The following HERC2 variants were observed in gnomAD, a reference collection of about 807,000 sequenced individuals.
HERC2 encodes the protein HECT and RLD domain containing E3 ubiquitin protein ligase 2.
A neutral mutation model predicts 537.7 loss-of-function variants in HERC2; 102 were observed. The ratio of observed to expected loss-of-function variants is 0.19; its 90% CI spans 0.16 to 0.22. The LOEUF is 0.22. Ranked by LOEUF, HERC2 falls within the 10% of genes least tolerant of loss-of-function variation. HERC2 has a pLI of 1.00. For synonymous variants in HERC2, 2,224 were observed against 2,466.2 expected (o/e 0.90, Z 2.91); for missense variants, 4,236 against 6,198.2 (o/e 0.68, Z 10.63).
chr15:28,281,125 T>C (rs973394953), intron 4 of HERC2, among the ~76,000 whole-genome samples: 1 of 152,164 alleles, frequency 6.6e-6, no homozygotes, highest in Non-Finnish European at 1.5e-5. Context: ...AGTAACAAGT[T>C]AGAATACACA....
intron 70 of HERC2, among the ~76,000 whole-genome samples, chr15:28,151,631 G>A (rs1367733012): frequency 6.6e-6 from 1 of 152,022 alleles, no homozygotes; most frequent in African/African-American, 2.4e-5. Context: ...CGCTACTGAA[G>A]ACTACCAGAA....
intron 83 of HERC2, among the ~76,000 whole-genome samples, chr15:28,127,721 C>T (rs138909869): frequency 6.6e-6 from 1 of 152,230 alleles, no homozygotes; most frequent in East Asian, 1.9e-4. Context: ...TCATCTTCTT[C>T]TGCCAGAGCA....
rs187564179 is a variant in HERC2, at chr15:28,206,572, G to A, written c.7070-190C>T. On this transcript the variant is annotated intron_variant, in intron 44 of 92. Transcript: ENST00000261609. Reference sequence around the variant, plus strand: ...CTCTAGGTTGGGTGCGGTGGCTCACGCGTGTAATCCCTGCACTTCGGGAGG... The same window carrying A: ...CTCTAGGTTGGGTGCGGTGGCTCACACGTGTAATCCCTGCACTTCGGGAGG... Among the ~76,000 whole-genome samples, 423 of 151,732 alleles carry A rather than the reference G, an allele frequency of 2.8e-3. 3 individuals carry two copies. The highest frequency in any genetic ancestry group is 9.1e-3 in the East Asian group (47 of 5,160).
At chr15:28,226,079 G>A (rs1375121001) in intron 35 of HERC2, among the ~76,000 whole-genome samples, 1 of 152,132 alleles carries the variant, frequency 6.6e-6, no homozygotes, top group Non-Finnish European at 1.5e-5. Context: ...CATTCTATGA[G>A]GCCATTATTA....
intron 38 of HERC2, 146 bp downstream of exon 38, chr15:28,218,343 G>T (rs1900151289): frequency 4.1e-6 from 3 of 723,960 alleles, no homozygotes; most frequent in Admixed American, 2.3e-5. Flanking sequence ...AATTTCTACT[G>T]TGTAAGCCCC....
At chr15:28,130,098 G>A in intron 83 of HERC2, 65 bp downstream of exon 83, 7 of 1,591,828 alleles carry the variant, frequency 4.4e-6, no homozygotes, top group Non-Finnish European at 6.0e-6. Flanking sequence ...GGCTGCGCAT[G>A]TCCTTCATGC....
intron 2 of HERC2, among the ~76,000 whole-genome samples, chr15:28,315,078 G>A (rs1268558159): frequency 2.6e-5 from 4 of 152,172 alleles, no homozygotes; most frequent in South Asian, 4.1e-4. Context: ...TCTTCTCAAT[G>A]AGCTGCAAAT....
At chr15:28,277,181 G>A (rs1460684187) in intron 5 of HERC2, among the ~76,000 whole-genome samples, 1 of 152,142 alleles carries the variant, frequency 6.6e-6, no homozygotes, top group Non-Finnish European at 1.5e-5. Flanking sequence ...GTTAAGGTGG[G>A]GAGAGAAGAC....
chr15:28,168,681 C>T (rs1487178185), intron 66 of HERC2, 91 bp from the exon 67 acceptor site: 5 of 1,175,562 alleles, frequency 4.3e-6, no homozygotes, highest in African/African-American at 3.1e-5. Context: ...CGCACTGAGG[C>T]GTTTCCTCAT....
At chr15:28,308,692 T>C (rs1376180463) in intron 2 of HERC2, among the ~76,000 whole-genome samples, 1 of 152,232 alleles carries the variant, frequency 6.6e-6, no homozygotes, top group Non-Finnish European at 1.5e-5. Flanking sequence ...GGGTCTGTCA[T>C]ATACGGCTTT....
chr15:28,198,546 A>C, intron 49 of HERC2, 43 bp from the exon 50 acceptor site: 1 of 1,610,002 alleles, frequency 6.2e-7, no homozygotes, highest in Non-Finnish European at 8.5e-7. Flanking sequence ...ATATTCATTT[A>C]AGGGAATTTT....
In HERC2 at chr15:28,186,815, G is replaced by A. The variant is rs922368772; in HGVS notation, c.8650-63C>T. 3.2e-6 allele frequency: 4 copies of A among 1,230,916 alleles called. No individual in the cohort carries two copies. The African/African-American group carries it at 5.9e-5, about 18-fold the overall frequency. 76.2% of individuals were successfully genotyped at this position (1,230,916 alleles called of 1,614,324 possible). On this transcript the variant is annotated intron_variant, in intron 55 of 92. Transcript: ENST00000261609. ...TCAAGCATATTAGATCCTCTAACTG[G>A]AGAACGGGATGTGTGAGACACGAAC...
intron 2 of HERC2, among the ~76,000 whole-genome samples, chr15:28,301,735 G>GTGTATA (rs1468330361): frequency 2.4e-3 from 85 of 35,296 alleles, no homozygotes; most frequent in Non-Finnish European, 3.4e-3. Context: ...GTATGTATGT[G>GTGTATA]TATATATATA....
chr15:28,203,471 G>A (rs1327235334), intron 45 of HERC2: 1 of 152,064 alleles, frequency 6.6e-6, no homozygotes, highest in African/African-American at 2.4e-5. Flanking sequence ...AAGAGTTCTG[G>A]TTCTGATAAT....
At position 28,219,199 on chromosome 15, in the gene HERC2, G is replaced by A. The variant is rs556901365; in HGVS notation, c.5846-528C>T. Among the ~76,000 whole-genome samples the A allele has an allele frequency of 3.9e-5, 6 of 152,376 alleles. No homozygotes were observed. The South Asian group carries it at 6.2e-4, about 16-fold the overall frequency. The stretch of plus-strand genomic sequence containing the variant: ...AGCGCTGGTTTCTGATGAGCTGGCT[G>A]TGTCCTAGATGAGGACAAAGCACCG... On this transcript the variant is annotated intron_variant, in intron 37 of 92. Coordinates refer to ENST00000261609, the MANE Select transcript of HERC2 (RefSeq NM_004667.6).
intron 2 of HERC2, among the ~76,000 whole-genome samples, chr15:28,301,208 A>T (rs1460566342): frequency 6.6e-6 from 1 of 151,988 alleles, no homozygotes; most frequent in African/African-American, 2.4e-5. Context: ...TGAGGTCAGG[A>T]GTTCGAGACC....
Position 28,257,385 on chromosome 15 carries a change from C to T in HERC2, c.2317-124G>A, listed in dbSNP as rs2140905852. The T allele has an allele frequency of 4.0e-6, 3 of 748,640 alleles. No individual in the cohort carries two copies. The South Asian group carries it at 5.4e-5, about 13-fold the overall frequency. The allele number at this position is 748,640 out of a possible 1,614,324, so 46.4% of individuals were successfully genotyped here. On this transcript the variant is annotated intron_variant, in intron 16 of 92. Coordinates refer to ENST00000261609, the MANE Select transcript of HERC2 (RefSeq NM_004667.6). ...ATTACCTATCATCCCTCGAACTGCC[C>T]AGTCCAAAGGCATTCATGGATGTCT...
intron 35 of HERC2, among the ~76,000 whole-genome samples, chr15:28,223,965 C>T (rs1417903292): frequency 6.6e-6 from 1 of 151,748 alleles, no homozygotes; most frequent in African/African-American, 2.4e-5. Context: ...CATAAAAAGG[C>T]CATTTCTCGA....
intron 53 of HERC2, 35 bp from the exon 54 acceptor site, chr15:28,191,279 G>T: frequency 7.4e-7 from 1 of 1,353,950 alleles, no homozygotes; most frequent in Non-Finnish European, 1.1e-6. Flanking sequence ...TTCTCAGTTA[G>T]CAAAATTCAG....
Sources: gnomAD v4.1 joint callset for allele counts (sites outside exome capture counted in the v4.1 genomes callset) on GRCh38, gnomAD v4.1.1 for gene constraint, MANE v1.5 for transcripts, NCBI Gene and HGNC (gene_info 2026-07-23, HGNC 2026-07-21) for gene names.